Variants in IL17RD observed in about 807,000 individuals in gnomAD.
IL17RD encodes the protein interleukin 17 receptor D, also known as interleukin-17 receptor D.
In IL17RD, 52 loss-of-function variants were observed where a neutral mutation model predicts 80.5. That is an observed-to-expected ratio of 0.65 (90% CI 0.52 to 0.81). IL17RD has a LOEUF of 0.81. IL17RD is among the 40% of genes least tolerant of loss of function. The pLI, the probability that IL17RD is intolerant of heterozygous loss-of-function variation, is 0.00. For synonymous variants in IL17RD, 416 were observed against 391.8 expected (o/e 1.06, Z -0.73); for missense variants, 1,024 against 955.1 (o/e 1.07, Z -0.95).
chr3:57,161,409 T>A (rs1349490545), intron 1 of IL17RD, among the ~76,000 whole-genome samples: 1 of 152,260 alleles, frequency 6.6e-6, no homozygotes, highest in African/African-American at 2.4e-5. Flanking sequence ...GAACTTCTCT[T>A]TTCCAAGTAC....
At chr3:57,168,847 G>C (rs185631917), upstream of IL17RD, among the ~76,000 whole-genome samples, 3 of 152,280 alleles carry the variant, frequency 2.0e-5, no homozygotes, top group Non-Finnish European at 4.4e-5. Flanking sequence ...TTCCCAAGCA[G>C]CTGGGATAAC....
chr3:57,169,183 CAGA>C (rs1559491487), upstream of IL17RD: 1 of 505,310 alleles, frequency 2.0e-6, no homozygotes, highest in Admixed American at 2.0e-5. Context: ...TGGAGGTGAC[CAGA>C]AGATGAGCTA....
At chr3:57,127,412 A>ATATATATATATATAT (rs1246159104) in intron 1 of IL17RD, among the ~76,000 whole-genome samples, 1 of 91,216 alleles carries the variant, frequency 1.1e-5, no homozygotes, top group African/African-American at 4.9e-5. Flanking sequence ...ATATATATAT[A>ATATATATATATATAT]TTTTTTTTTT....
rs549310288 is a variant in IL17RD at position 57,130,836 on chromosome 3, CCAA to C, written c.127-10526_127-10524del. 4.5e-4 allele frequency among the ~76,000 whole-genome samples: 68 copies of C among 152,210 alleles called. 2 individuals carry two copies. Among genetic ancestry groups the C allele is most frequent in the Middle Eastern group, 3.4e-3 (1 of 294 alleles). On this transcript the variant is annotated intron_variant, in intron 1 of 12. Transcript: ENST00000296318. ...TCAGTATGTGTGCCCAGCCACAAAG[CCAA>C]CAACAACAACAAAAAAGCACCAGGA...
At chr3:57,166,201 A>C (rs1424824108), upstream of IL17RD, among the ~76,000 whole-genome samples, 1 of 152,110 alleles carries the variant, frequency 6.6e-6, no homozygotes, top group Non-Finnish European at 1.5e-5. Flanking sequence ...TTATCTGAGC[A>C]CCTAAACTCT....
intron 9 of IL17RD, 52 bp downstream of exon 9, chr3:57,103,039 T>C: frequency 2.3e-6 from 3 of 1,286,496 alleles, no homozygotes; most frequent in Non-Finnish European, 3.3e-6. Flanking sequence ...GAGTATCACA[T>C]ACCTTGGTCT....
chr3:57,103,845 C>G (rs947342685), intron 8 of IL17RD, among the ~76,000 whole-genome samples: 1 of 152,054 alleles, frequency 6.6e-6, no homozygotes, highest in Admixed American at 6.5e-5. Context: ...GCTGGGATTA[C>G]AGGCGCCCAC....
rs367901377 is a variant in IL17RD at position 57,164,358 on chromosome 3, G to A, written c.126+803C>T. On this transcript the variant is annotated intron_variant, in intron 1 of 12. Transcript: ENST00000296318. ...GCTGAGAGGGGAATGGCAATCACCC[G>A]CGCCCATCGCCCAGACAGTGTCAAA... 2.4e-4 allele frequency among the ~76,000 whole-genome samples: 37 copies of A among 152,292 alleles called. No individual in the cohort carries two copies. In the East Asian group the frequency reaches 5.2e-3, roughly 22 times the overall value.
At chr3:57,134,924 G>C (rs1190255105) in intron 1 of IL17RD, among the ~76,000 whole-genome samples, 3 of 152,102 alleles carry the variant, frequency 2.0e-5, no homozygotes, top group Non-Finnish European at 4.4e-5. Context: ...GGACAACATG[G>C]TGAAACCCCA....
At chr3:57,161,707 T>C (rs1487704867) in intron 1 of IL17RD, among the ~76,000 whole-genome samples, 1 of 152,226 alleles carries the variant, frequency 6.6e-6, no homozygotes. Context: ...AAAAGGCTTC[T>C]AGACCAGCAA....
intron 1 of IL17RD, among the ~76,000 whole-genome samples, chr3:57,148,723 T>C (rs990181764): frequency 1.3e-5 from 2 of 152,142 alleles, no homozygotes; most frequent in Non-Finnish European, 2.9e-5. Flanking sequence ...TTATGCCTAA[T>C]TGCCTTTTTT....
Position 57,165,304 on chromosome 3 carries a change from G to C in IL17RD, c.-18C>G. 2 of 1,413,956 alleles carry C rather than the reference G, an allele frequency of 1.4e-6. No homozygotes were observed. Among genetic ancestry groups the C allele is most frequent in the Non-Finnish European group, 1.9e-6 (2 of 1,078,468 alleles). 87.6% of individuals were successfully genotyped at this position (1,413,956 alleles called of 1,614,324 possible). On this transcript the variant is annotated 5_prime_UTR_variant, in exon 1 of 13. Transcript: ENST00000296318. ...GGGGCCATGGCCGTGCGCTCGCCCA[G>C]CCAGGCCGTTCTCTGCGCCCCGGCC...
upstream of IL17RD, among the ~76,000 whole-genome samples, chr3:57,170,073 T>A (rs2060362822): frequency 6.6e-6 from 1 of 152,190 alleles, no homozygotes; most frequent in African/African-American, 2.4e-5. Flanking sequence ...TCTTCCTGTC[T>A]AGGACGCCAA....
upstream of IL17RD, among the ~76,000 whole-genome samples, chr3:57,168,759 C>T (rs1249540436): frequency 4.6e-5 from 7 of 152,150 alleles, no homozygotes; most frequent in Non-Finnish European, 8.8e-5. Context: ...CCTTGTTGCC[C>T]AGGTTGGAGT....
intron 1 of IL17RD, among the ~76,000 whole-genome samples, chr3:57,145,271 C>T (rs1033877491): frequency 2.0e-5 from 3 of 152,126 alleles, no homozygotes; most frequent in Admixed American, 6.5e-5. Flanking sequence ...GCCCAGAAGA[C>T]TAAATGGGTT....
intron 1 of IL17RD, among the ~76,000 whole-genome samples, chr3:57,126,949 C>T (rs779448514): frequency 2.6e-5 from 4 of 151,354 alleles, no homozygotes; most frequent in Admixed American, 6.6e-5. Flanking sequence ...CTCAGCCTCC[C>T]GAGTAGCTGG....
intron 2 of IL17RD, among the ~76,000 whole-genome samples, chr3:57,115,897 G>C (rs1045170086): frequency 4.6e-5 from 7 of 152,128 alleles, no homozygotes; most frequent in Non-Finnish European, 1.0e-4. Flanking sequence ...AGCTCTGTGA[G>C]TCTCCCTTTT....
At chr3:57,152,152 C>G (rs2060230397) in intron 1 of IL17RD, among the ~76,000 whole-genome samples, 1 of 152,126 alleles carries the variant, frequency 6.6e-6, no homozygotes, top group South Asian at 2.1e-4. Context: ...CGGCTGTGAC[C>G]AGAGCAAACG....
At chr3:57,134,296 C>G (rs1218733991) in intron 1 of IL17RD, 3 of 683,516 alleles carry the variant, frequency 4.4e-6, no homozygotes, top group Non-Finnish European at 8.3e-6. Context: ...ATCTACAAAC[C>G]TGTGACTTTC....
Sources: gnomAD v4.1 joint callset for allele counts (sites outside exome capture counted in the v4.1 genomes callset) on GRCh38, gnomAD v4.1.1 for gene constraint, MANE v1.5 for transcripts, NCBI Gene and HGNC (gene_info 2026-07-23, HGNC 2026-07-21) for gene names.